Variants in SLCO3A1 observed in about 807,000 individuals in gnomAD.
SLCO3A1 encodes solute carrier organic anion transporter family member 3A1, also known as PGE1 transporter.
SLCO3A1 carries 27 observed loss-of-function variants against 63.1 expected under a neutral mutation model. The ratio of observed to expected loss-of-function variants is 0.43; its 90% CI spans 0.32 to 0.59. The LOEUF (loss-of-function observed/expected upper bound fraction) is 0.59, where lower values mean the gene tolerates loss of function less well. SLCO3A1 is among the 20% of genes least tolerant of loss of function. SLCO3A1 has a pLI of 0.09. For missense variants in SLCO3A1, 773 were observed against 945.8 expected, an observed-to-expected ratio of 0.82 and a Z score of 2.40; for synonymous variants, 473 against 409.9, an observed-to-expected ratio of 1.15 and a Z score of -1.86.
At chr15:92,060,626 A>G (rs2047076168) in intron 2 of SLCO3A1, among the ~76,000 whole-genome samples, 1 of 151,976 alleles carries the variant, frequency 6.6e-6, no homozygotes, top group African/African-American at 2.4e-5. Flanking sequence ...CAGCCTCCCA[A>G]GTAACTGGGA....
chr15:91,909,736 C>T (rs1322154399), intron 1 of SLCO3A1, among the ~76,000 whole-genome samples: 1 of 152,238 alleles, frequency 6.6e-6, no homozygotes, highest in Non-Finnish European at 1.5e-5. Context: ...CCTTCACAAG[C>T]GCTCCAGACT....
At chr15:91,898,206 C>G (rs548017699) in intron 1 of SLCO3A1, among the ~76,000 whole-genome samples, 1 of 152,158 alleles carries the variant, frequency 6.6e-6, no homozygotes, top group South Asian at 2.1e-4. Context: ...CTAAGCTTGT[C>G]GATCCCCAGT....
At chr15:92,076,373 T>A (rs945890473) in intron 2 of SLCO3A1, among the ~76,000 whole-genome samples, 4 of 151,950 alleles carry the variant, frequency 2.6e-5, no homozygotes, top group African/African-American at 9.7e-5. Context: ...TTTCTGCTGA[T>A]GCAGCCTATG....
rs1202629610 is a variant in SLCO3A1 at position 92,164,235 on chromosome 15, T to C, written c.*1100T>C. The C allele has an allele frequency of 2.0e-6, 2 of 984,706 alleles. No individual in the cohort carries two copies. Among genetic ancestry groups the C allele is most frequent in the African/African-American group, 3.5e-5 (2 of 57,218 alleles). 61.0% of individuals were successfully genotyped at this position (984,706 alleles called of 1,614,324 possible). ...AAAATATGTGATACAAGGGATGCAA[T>C]TAACCTATTGTAATTTTCATCATTT... is the stretch of plus-strand genomic sequence containing the variant. On this transcript the variant is annotated 3_prime_UTR_variant, in exon 10 of 10. Coordinates refer to ENST00000318445, the MANE Select transcript of SLCO3A1 (RefSeq NM_013272.4).
intron 4 of SLCO3A1, among the ~76,000 whole-genome samples, chr15:92,104,757 C>A (rs2047647324): frequency 6.6e-6 from 1 of 152,090 alleles, no homozygotes; most frequent in East Asian, 1.9e-4. Flanking sequence ...AATAAAGTAG[C>A]TACCATTTGT....
chr15:91,979,262 C>T (rs1451119673), intron 2 of SLCO3A1, among the ~76,000 whole-genome samples: 2 of 152,114 alleles, frequency 1.3e-5, no homozygotes, highest in Admixed American at 6.5e-5. Flanking sequence ...ACCCAAGCCT[C>T]AACATGAAGT....
chr15:92,010,994 G>C (rs559373985), intron 2 of SLCO3A1, among the ~76,000 whole-genome samples: 2 of 152,162 alleles, frequency 1.3e-5, no homozygotes, highest in Non-Finnish European at 2.9e-5. Flanking sequence ...CAGCCAGTGC[G>C]ATCCTGCTAA....
intron 1 of SLCO3A1, among the ~76,000 whole-genome samples, chr15:91,887,309 T>A (rs888870246): frequency 1.3e-5 from 2 of 152,146 alleles, no homozygotes; most frequent in Non-Finnish European, 2.9e-5. Flanking sequence ...CTTGAGCTAT[T>A]TCCTGCCTGA....
In SLCO3A1 at chr15:91,859,555, G is replaced by A. The variant is rs1182546938; in HGVS notation, c.180+5467G>A. Among the ~76,000 whole-genome samples, 5 of 152,130 alleles carry A rather than the reference G, an allele frequency of 3.3e-5. No homozygotes were observed. The highest frequency in any genetic ancestry group is 1.3e-4 in the Admixed American group (2 of 15,272). On this transcript the variant is annotated intron_variant, in intron 1 of 9. Coordinates refer to ENST00000318445, the MANE Select transcript of SLCO3A1 (RefSeq NM_013272.4). The surrounding 1 kb of genome is among the most constrained non-coding windows in gnomAD (Gnocchi z 5.1). ...AAGGCAAGTGTCTGTGGCAGCTGTCGCTTATTCGATGAGTGTTAGAAGACT... is the reference window on the plus strand; with the variant it reads ...AAGGCAAGTGTCTGTGGCAGCTGTCACTTATTCGATGAGTGTTAGAAGACT...
At chr15:92,029,467 C>T (rs2046618751) in intron 2 of SLCO3A1, among the ~76,000 whole-genome samples, 1 of 152,208 alleles carries the variant, frequency 6.6e-6, no homozygotes, top group African/African-American at 2.4e-5. Context: ...GCATCTTTTA[C>T]CTACTTAAAC....
intron 1 of SLCO3A1, among the ~76,000 whole-genome samples, chr15:91,892,877 C>A (rs4267287): frequency 0.33 from 49,537 of 152,096 alleles, 9,554 homozygotes; most frequent in African/African-American, 0.53. Context: ...TAGCTAATGT[C>A]ACAATAAAAT....
In SLCO3A1 at chr15:91,897,270, AG is replaced by A. The variant is rs915440939; in HGVS notation, c.181-18722del. Among the ~76,000 whole-genome samples the A allele has an allele frequency of 6.6e-5, 10 of 152,122 alleles. No individual in the cohort carries two copies. The highest frequency in any genetic ancestry group is 5.9e-5 in the Non-Finnish European group (4 of 68,000). On this transcript the variant is annotated intron_variant, in intron 1 of 9. Transcript: ENST00000318445. This position sits in a 1 kb window ranked among gnomAD's most constrained non-coding sequence, Gnocchi z 4.7. ...GACCAGCCTGGCCAACATGGTGGCC[AG>A]TTTAGTAGAGATGGGGATCTCTACT...
chr15:92,067,256 A>G (rs1008133790), intron 2 of SLCO3A1, among the ~76,000 whole-genome samples: 1 of 152,180 alleles, frequency 6.6e-6, no homozygotes, highest in African/African-American at 2.4e-5. Context: ...CTTTGCATTA[A>G]GAAGGGAGAT....
intron 2 of SLCO3A1, among the ~76,000 whole-genome samples, chr15:92,075,249 T>G (rs2047263767): frequency 6.6e-6 from 1 of 152,170 alleles, no homozygotes; most frequent in Non-Finnish European, 1.5e-5. Context: ...TGCTGCCTGC[T>G]CATTGTGTTT....
intron 3 of SLCO3A1, among the ~76,000 whole-genome samples, chr15:92,101,152 C>T (rs184616460): frequency 3.3e-5 from 5 of 152,276 alleles, no homozygotes; most frequent in African/African-American, 4.8e-5. Flanking sequence ...AGAGCATTGA[C>T]GGACAATTAC....
At chr15:91,938,375 T>A (rs996092339) in intron 2 of SLCO3A1, among the ~76,000 whole-genome samples, 7 of 152,136 alleles carry the variant, frequency 4.6e-5, no homozygotes, top group Non-Finnish European at 4.4e-5. Context: ...TAAAAAGTGA[T>A]GAGACGAAAT....
At chr15:92,113,420 G>A (rs756977740) in intron 4 of SLCO3A1, among the ~76,000 whole-genome samples, 25 of 152,156 alleles carry the variant, frequency 1.6e-4, no homozygotes, top group Non-Finnish European at 3.2e-4. Flanking sequence ...CCCGCACCCA[G>A]CTAACATTGG....
chr15:91,901,015 G>A (rs1898141026), intron 1 of SLCO3A1, among the ~76,000 whole-genome samples: 1 of 152,098 alleles, frequency 6.6e-6, no homozygotes, highest in Non-Finnish European at 1.5e-5. Context: ...TTAGGTTGAT[G>A]TAGTTGCATT....
At chr15:91,934,664 T>C (rs572801872) in intron 2 of SLCO3A1, among the ~76,000 whole-genome samples, 10 of 152,356 alleles carry the variant, frequency 6.6e-5, no homozygotes, top group Non-Finnish European at 1.2e-4. Flanking sequence ...GGGTTTTCTC[T>C]TTTATTTGTA....
Sources: allele counts gnomAD v4.1 joint callset (sites outside exome capture counted in the v4.1 genomes callset), GRCh38; gene constraint gnomAD v4.1.1; non-coding constraint Gnocchi (gnomAD v3.1); transcripts MANE v1.5; gene names NCBI Gene and HGNC (gene_info 2026-07-23, HGNC 2026-07-21).